The following PYROXD2 variants were observed in gnomAD, a reference collection of about 807,000 sequenced individuals.
The protein encoded by PYROXD2 is pyridine nucleotide-disulphide oxidoreductase domain 2, also known as pyridine nucleotide-disulfide oxidoreductase domain-containing protein 2.
Under a neutral mutation model 71.1 loss-of-function variants are expected in PYROXD2, and 69 were observed. That is an observed-to-expected ratio of 0.97 (90% CI 0.80 to 1.19). The LOEUF is 1.19. PYROXD2 is among the 50% of genes most tolerant of loss of function. The pLI is 0.00. For missense variants in PYROXD2, 745 were observed against 748.9 expected, an observed-to-expected ratio of 0.99 and a Z score of 0.06; for synonymous variants, 287 against 302.7, an observed-to-expected ratio of 0.95 and a Z score of 0.54.
At chr10:98,400,038 C>T (rs1843337238) in intron 5 of PYROXD2, 64 bp downstream of exon 5, 2 of 1,571,704 alleles carry the variant, frequency 1.3e-6, no homozygotes, top group Admixed American at 1.7e-5. Flanking sequence ...CTAGGACAAT[C>T]CAACCAGGCC....
intron 1 of PYROXD2, 140 bp from the exon 2 acceptor site, chr10:98,411,098 T>TTGGATGGATGTTCCCCCATCCAA: frequency 8.3e-7 from 1 of 1,207,290 alleles, no homozygotes; most frequent in East Asian, 2.6e-5. Context: ...CTTCCCGCAC[T>TTGGATGGATGTTCCCCCATCCAA]CAGATGTTGG....
intron 6 of PYROXD2, 55 bp from the exon 7 acceptor site, chr10:98,395,507 C>T (rs190203110): frequency 8.3e-5 from 124 of 1,492,804 alleles, no homozygotes; most frequent in Non-Finnish European, 9.9e-5. Context: ...GGAAACCCTC[C>T]GACCTGGCCT....
At chr10:98,389,095 A>G (rs956543752) in intron 12 of PYROXD2, among the ~76,000 whole-genome samples, 3 of 152,072 alleles carry the variant, frequency 2.0e-5, no homozygotes, top group African/African-American at 2.4e-5. Flanking sequence ...CCTCAGCTGC[A>G]ATGTTCTCGC....
rs956777565 is a variant in PYROXD2, at chr10:98,414,936, C to A, written c.127+73G>T. Reference sequence around the variant, plus strand: ...GCAGTGGGGCTTGGCTCCCCCTCCCCCTCCCCACCAAGCTCTGAGCAGGGC... The same window carrying A: ...GCAGTGGGGCTTGGCTCCCCCTCCCACTCCCCACCAAGCTCTGAGCAGGGC... On this transcript the variant is annotated intron_variant, in intron 1 of 15. Coordinates refer to ENST00000370575, the MANE Select transcript of PYROXD2 (RefSeq NM_032709.3). 21 of 1,558,434 alleles carry A rather than the reference C, an allele frequency of 1.3e-5. No homozygotes were observed. The African/African-American group carries it at 2.6e-4, about 19-fold the overall frequency.
intron 14 of PYROXD2, among the ~76,000 whole-genome samples, chr10:98,386,196 G>A (rs2135913369): frequency 6.6e-6 from 1 of 151,966 alleles, no homozygotes; most frequent in South Asian, 2.1e-4. Flanking sequence ...AGGATGGATG[G>A]CTTCAGCCCC....
chr10:98,397,969 G>C (rs11819729), intron 5 of PYROXD2, among the ~76,000 whole-genome samples: 52,748 of 143,732 alleles, frequency 0.37, 9,641 homozygotes, highest in South Asian at 0.45. Flanking sequence ...TGCAACCTCT[G>C]CCTCCCAGGT....
At chr10:98,397,877 C>CTTTTT (rs60678578) in intron 5 of PYROXD2, among the ~76,000 whole-genome samples, 7 of 84,148 alleles carry the variant, frequency 8.3e-5, no homozygotes, top group Middle Eastern at 6.3e-3. Context: ...GTCCTTTCTT[C>CTTTTT]TTTTTTTTTT....
At chr10:98,391,877 C>T (rs1261109419) in intron 10 of PYROXD2, among the ~76,000 whole-genome samples, 2 of 152,182 alleles carry the variant, frequency 1.3e-5, no homozygotes, top group African/African-American at 4.8e-5. Context: ...CCACCACCAG[C>T]CAGCTCCCAG....
Position 98,407,700 on chromosome 10 carries a change from A to T in PYROXD2, c.242-45T>A. On this transcript the variant is annotated intron_variant, in intron 3 of 15. Transcript: ENST00000370575. Reference sequence around the variant, plus strand: ...AGACTGTCACCAGGGGTCACCAGGGATGAGGACCGTCACCAGGGGTCAGCA... The same window carrying T: ...AGACTGTCACCAGGGGTCACCAGGGTTGAGGACCGTCACCAGGGGTCAGCA... 3.2e-6 allele frequency: 5 copies of T among 1,582,960 alleles called. 1 individual carries two copies. Among genetic ancestry groups the T allele is most frequent in the Non-Finnish European group, 4.3e-6 (5 of 1,166,286 alleles).
Position 98,397,416 on chromosome 10 carries a change from G to C in PYROXD2, c.554C>G (p.Ala185Gly). 1 of 1,613,260 alleles carries C rather than the reference G, an allele frequency of 6.2e-7. No homozygotes were observed. Among genetic ancestry groups the C allele is most frequent in the Non-Finnish European group, 8.5e-7 (1 of 1,179,520 alleles). Reference sequence around the variant, plus strand: ...CAGCAAGGAGCCATGCTGGAAGGCCGCCATGTCCACGGGGGCCGCATCCAG... The same window carrying C: ...CAGCAAGGAGCCATGCTGGAAGGCCCCCATGTCCACGGGGGCCGCATCCAG... The part of the protein sequence containing the change: ...PLLDAAPVDM[A>G]AFQHGSLLQR... Residue 185 changes from alanine to glycine, a missense_variant, in exon 6 of 16, where the codon GCG (alanine) becomes GGG (glycine). Ala to Gly is a moderately conservative substitution (Grantham distance 60). Coordinates refer to ENST00000370575, the MANE Select transcript of PYROXD2 (RefSeq NM_032709.3).
At chr10:98,388,852 C>T (rs988270949) in intron 12 of PYROXD2, among the ~76,000 whole-genome samples, 5 of 152,078 alleles carry the variant, frequency 3.3e-5, no homozygotes, top group Admixed American at 6.5e-5. Context: ...AGACAGCAGG[C>T]GCCCAAGCAG....
chr10:98,412,658 C>G (rs531700303), intron 1 of PYROXD2, among the ~76,000 whole-genome samples: 3 of 152,302 alleles, frequency 2.0e-5, no homozygotes, highest in African/African-American at 7.2e-5. Flanking sequence ...CAGAGGTAAC[C>G]CTTGTCTCAG....
chr10:98,403,119 C>T (rs1401289999), intron 4 of PYROXD2, among the ~76,000 whole-genome samples: 1 of 152,216 alleles, frequency 6.6e-6, no homozygotes. Context: ...AGGAGATTTC[C>T]GATGCTGGCG....
chr10:98,393,191 C>T, intron 8 of PYROXD2, 108 bp from the exon 9 acceptor site: 4 of 861,920 alleles, frequency 4.6e-6, no homozygotes, highest in Non-Finnish European at 6.9e-6. Flanking sequence ...TCCCTGCCAC[C>T]ATCCAGCCCT....
In PYROXD2 at chr10:98,391,062, G is replaced by A; in HGVS notation, c.1083C>T (p.Phe361=). ...LTPQEWLPEE[F]LERISQLDTR... is the part of the protein sequence containing the mutation. The stretch of plus-strand genomic sequence containing the variant: ...TGTCCAGCTGAGAGATTCTCTCCAG[G>A]AACTCCTCAGGAAGCCACTCCTGGA... Residue 361 remains phenylalanine (F), a synonymous_variant, in exon 11 of 16, where the codon TTC becomes TTT. Transcript: ENST00000370575. The A allele has an allele frequency of 6.2e-7, 1 of 1,612,746 alleles. No individual in the cohort carries two copies. Among genetic ancestry groups the A allele is most frequent in the Non-Finnish European group, 8.5e-7 (1 of 1,178,924 alleles).
In PYROXD2 at chr10:98,405,105, C is replaced by T. The variant is rs1316871366; in HGVS notation, c.315+2477G>A. Among the ~76,000 whole-genome samples the T allele has an allele frequency of 2.6e-5, 4 of 152,302 alleles. No individual in the cohort carries two copies. The East Asian group carries it at 5.8e-4, about 22-fold the overall frequency. On this transcript the variant is annotated intron_variant, in intron 4 of 15. Transcript: ENST00000370575. ...AGGGGATGAAAAGCCCCCCTCCACA[C>T]CCCCTTCTCCACCAGTGCAAAGGCT... is the stretch of plus-strand genomic sequence containing the variant.
At chr10:98,404,933 G>GA (rs1329667153) in intron 4 of PYROXD2, among the ~76,000 whole-genome samples, 1 of 152,174 alleles carries the variant, frequency 6.6e-6, no homozygotes, top group Non-Finnish European at 1.5e-5. Context: ...ACCTTAGAGA[G>GA]ATTTCCAGGA....
rs1029011353 is a variant in PYROXD2 at position 98,410,687 on chromosome 10, C to T, written c.147+252G>A. The T allele has an allele frequency of 1.5e-5, 8 of 535,500 alleles. No homozygotes were observed. In the African/African-American group the frequency reaches 1.5e-4, roughly 10 times the overall value. 33.2% of individuals were successfully genotyped at this position (535,500 alleles called of 1,614,324 possible). A position where few individuals can be genotyped will look rare whatever the true frequency, so the allele number is the denominator to read the frequency against. On this transcript the variant is annotated intron_variant, in intron 2 of 15. Transcript: ENST00000370575. Reference sequence around the variant, plus strand: ...TTCTGGAAGCTCCCTGACTCCCTCACAGGCCATGGGGAAACCACCTTTCCC... The same window carrying T: ...TTCTGGAAGCTCCCTGACTCCCTCATAGGCCATGGGGAAACCACCTTTCCC...
At chr10:98,386,387 T>C (rs986488141) in intron 14 of PYROXD2, among the ~76,000 whole-genome samples, 1 of 149,438 alleles carries the variant, frequency 6.7e-6, no homozygotes, top group African/African-American at 2.5e-5. Context: ...GAAACTAATG[T>C]CAATAATATA....
Sources: allele counts gnomAD v4.1 joint callset (sites outside exome capture counted in the v4.1 genomes callset), GRCh38; gene constraint gnomAD v4.1.1; transcripts MANE v1.5; gene names NCBI Gene and HGNC (gene_info 2026-07-23, HGNC 2026-07-21).